TSPEAR: variants seen among roughly 807,000 people sequenced by gnomAD.
The protein encoded by TSPEAR is thrombospondin type laminin G domain and EAR repeats, also known as thrombospondin-type laminin G domain and EAR repeat-containing protein.
In TSPEAR, 69 loss-of-function variants were observed where a neutral mutation model predicts 71.6. That is an observed-to-expected ratio of 0.96 (90% CI 0.79 to 1.18). The LOEUF (loss-of-function observed/expected upper bound fraction) is 1.18. TSPEAR is among the 50% of genes most tolerant of loss of function. The probability of loss-of-function intolerance (pLI) is 0.00; values close to 1 mark genes in which losing one functional copy is unlikely to be tolerated. For synonymous variants in TSPEAR, 402 were observed against 387.2 expected (o/e 1.04, Z -0.45); for missense variants, 971 against 894.9 (o/e 1.09, Z -1.09).
chr21:44,654,061 T>G (rs939432565), intron 1 of TSPEAR, among the ~76,000 whole-genome samples: 2 of 152,224 alleles, frequency 1.3e-5, no homozygotes, highest in Non-Finnish European at 2.9e-5. Context: ...CGGAGGGCCC[T>G]GTGGATGGCC....
At chr21:44,668,889 A>C (rs1314490935) in intron 1 of TSPEAR, among the ~76,000 whole-genome samples, 1 of 152,258 alleles carries the variant, frequency 6.6e-6, no homozygotes, top group Non-Finnish European at 1.5e-5. Flanking sequence ...AATTAACTCA[A>C]GATCAAAGAT....
At chr21:44,542,828 C>T (rs1555917348) in intron 2 of TSPEAR, among the ~76,000 whole-genome samples, 1 of 146,022 alleles carries the variant, frequency 6.8e-6, no homozygotes, top group East Asian at 2.0e-4. Flanking sequence ...CAAGTGAACA[C>T]AAAGAAAACT....
intron 1 of TSPEAR, chr21:44,647,086 A>G (rs587730867): frequency 5.0e-5 from 80 of 1,608,656 alleles, no homozygotes; most frequent in South Asian, 8.8e-5. Context: ...TGTCTGCTCT[A>G]GGGCTTCCTC....
At chr21:44,570,782 T>G (rs147807342) in intron 1 of TSPEAR, among the ~76,000 whole-genome samples, 1 of 152,250 alleles carries the variant, frequency 6.6e-6, no homozygotes, top group African/African-American at 2.4e-5. Context: ...TCCATCAAAT[T>G]GATAAACAAT....
chr21:44,667,602 T>A (rs984354331), intron 1 of TSPEAR, among the ~76,000 whole-genome samples: 4 of 152,150 alleles, frequency 2.6e-5, no homozygotes, highest in African/African-American at 9.7e-5. Context: ...CAGGGAAGCA[T>A]GTGAGGCCAG....
At chr21:44,503,079 A>G (rs587760467) in intron 11 of TSPEAR, among the ~76,000 whole-genome samples, 1,468 of 50,656 alleles carry the variant, frequency 0.029, 65 homozygotes, top group African/African-American at 0.094. Flanking sequence ...GTGAGCCCTC[A>G]GGGGGAAGCA....
chr21:44,503,073 G>A (rs1467461279), intron 11 of TSPEAR, among the ~76,000 whole-genome samples: 2 of 145,084 alleles, frequency 1.4e-5, no homozygotes, highest in Admixed American at 6.8e-5. Context: ...GCCTCGGTGA[G>A]CCCTCAGGGG....
At position 44,612,385 on chromosome 21, in the gene TSPEAR, A is replaced by G; in HGVS notation, c.83-44380T>C. The G allele has an allele frequency of 6.2e-7, 1 of 1,613,926 alleles. No homozygotes were observed. Among genetic ancestry groups the G allele is most frequent in the Non-Finnish European group, 8.5e-7 (1 of 1,180,002 alleles). On this transcript the variant is annotated intron_variant, in intron 1 of 11. Coordinates refer to ENST00000323084, the MANE Select transcript of TSPEAR (RefSeq NM_144991.3). The surrounding 1 kb of genome is among the most constrained non-coding windows in gnomAD (Gnocchi z 4.1). ...AATCAGGCTGCACCGACTCCTGCACACCTTCATGCTGCCAGCAGTCTAGCT... is the reference window on the plus strand; with the variant it reads ...AATCAGGCTGCACCGACTCCTGCACGCCTTCATGCTGCCAGCAGTCTAGCT...
intron 1 of TSPEAR, among the ~76,000 whole-genome samples, chr21:44,670,740 C>T (rs1555945755): frequency 6.6e-6 from 1 of 152,158 alleles, no homozygotes; most frequent in East Asian, 1.9e-4. Context: ...CCCACCAGGT[C>T]CTGAGCAGCT....
chr21:44,677,878 G>A, intron 1 of TSPEAR: 1 of 1,374,554 alleles, frequency 7.3e-7, no homozygotes, highest in Non-Finnish European at 1.0e-6. Flanking sequence ...TCTCGGAAAT[G>A]GGAAGCCCAT....
intron 1 of TSPEAR, among the ~76,000 whole-genome samples, chr21:44,625,703 A>G (rs1048773363): frequency 1.3e-5 from 2 of 152,122 alleles, no homozygotes; most frequent in African/African-American, 4.8e-5. Context: ...TAATTTCTTC[A>G]GTGATGGGGA....
At chr21:44,654,720 C>G in intron 1 of TSPEAR, 1 of 732,700 alleles carries the variant, frequency 1.4e-6, no homozygotes, top group Middle Eastern at 4.0e-4. Context: ...CAACAAGCCC[C>G]CTGGCATCTT....
chr21:44,517,462 G>C, intron 9 of TSPEAR: 1 of 275,082 alleles, frequency 3.6e-6, no homozygotes. Context: ...GTGAGGACGT[G>C]AGCACAGGTC....
At chr21:44,505,509 A>G (rs1290374422) in intron 10 of TSPEAR, among the ~76,000 whole-genome samples, 1 of 138,226 alleles carries the variant, frequency 7.2e-6, no homozygotes, top group Non-Finnish European at 1.5e-5. Flanking sequence ...CACCTCCAGA[A>G]CGCCTTCATC....
At chr21:44,545,179 A>G (rs1041538700) in intron 2 of TSPEAR, among the ~76,000 whole-genome samples, 5 of 151,900 alleles carry the variant, frequency 3.3e-5, no homozygotes, top group South Asian at 2.1e-4. Context: ...TTAGCCGGGC[A>G]TGGTGGCAGC....
intron 2 of TSPEAR, 93 bp from the exon 3 acceptor site, chr21:44,534,016 G>A: frequency 1.1e-6 from 1 of 908,202 alleles, no homozygotes; most frequent in Non-Finnish European, 1.7e-6. Context: ...GATGAGCACA[G>A]GTGGTGAGAG....
intron 1 of TSPEAR, chr21:44,647,017 G>T (rs1270329717): frequency 2.5e-6 from 4 of 1,611,710 alleles, no homozygotes; most frequent in South Asian, 1.1e-5. Flanking sequence ...CTACCAGCAG[G>T]CCTGCTGCGT....
At chr21:44,521,257 G>A (rs587714647) in intron 9 of TSPEAR, among the ~76,000 whole-genome samples, 11 of 152,296 alleles carry the variant, frequency 7.2e-5, no homozygotes, top group African/African-American at 2.2e-4. Flanking sequence ...CACCTGTCTC[G>A]TACTCCGCAC....
intron 1 of TSPEAR, among the ~76,000 whole-genome samples, chr21:44,699,082 C>T (rs1436507320): frequency 3.9e-5 from 6 of 152,084 alleles, no homozygotes; most frequent in African/African-American, 1.4e-4. Context: ...CCTGTGGTAC[C>T]ACCTACCCGG....
Sources: gnomAD v4.1 joint callset for allele counts (sites outside exome capture counted in the v4.1 genomes callset) on GRCh38, gnomAD v4.1.1 for gene constraint, Gnocchi (gnomAD v3.1) non-coding constraint, MANE v1.5 for transcripts, NCBI Gene and HGNC (gene_info 2026-07-23, HGNC 2026-07-21) for gene names.